The following GNB4 variants were observed in gnomAD, a reference collection of about 807,000 sequenced individuals.
GNB4 encodes the protein G protein subunit beta 4, also known as guanine nucleotide-binding protein subunit beta-4.
A neutral mutation model predicts 45.2 loss-of-function variants in GNB4; 28 were observed. The ratio of observed to expected loss-of-function variants is 0.62; its 90% CI spans 0.46 to 0.85. The LOEUF (loss-of-function observed/expected upper bound fraction) is 0.85, where lower values mean the gene tolerates loss of function less well. Among genes scored for constraint, GNB4 ranks in the 40% least tolerant of loss-of-function variants. The pLI, the probability that GNB4 is intolerant of heterozygous loss-of-function variation, is 0.00. For missense variants in GNB4, 321 were observed against 425.4 expected (o/e 0.75, Z 2.16); for synonymous variants, 132 against 143.7 (o/e 0.92, Z 0.58).
Position 179,416,476 on chromosome 3 carries a change from T to C in GNB4, c.267+17A>G, listed in dbSNP as rs571492932. 7.0e-6 allele frequency: 10 copies of C among 1,435,684 alleles called. No individual in the cohort carries two copies. The Admixed American group carries it at 1.7e-4, about 25-fold the overall frequency. 88.9% of individuals were successfully genotyped at this position (1,435,684 alleles called of 1,614,324 possible). Reference sequence around the variant, plus strand: ...ACAAATATAAGGTTATTTAAAAGAATTATGAAGAAATTCTACCTTATTTGT... The same window carrying C: ...ACAAATATAAGGTTATTTAAAAGAACTATGAAGAAATTCTACCTTATTTGT... On this transcript the variant is annotated intron_variant, in intron 5 of 9. Transcript: ENST00000232564.
chr3:179,411,466 CAA>C (rs755966921), intron 8 of GNB4, among the ~76,000 whole-genome samples: 2 of 125,340 alleles, frequency 1.6e-5, no homozygotes, highest in African/African-American at 2.9e-5. Flanking sequence ...AATGTTTTGA[CAA>C]AAAAAAAAAA....
At chr3:179,444,172 CCTATCT>C (rs1715661439) in intron 1 of GNB4, among the ~76,000 whole-genome samples, 1 of 152,064 alleles carries the variant, frequency 6.6e-6, no homozygotes, top group South Asian at 2.1e-4. Context: ...TACATACTAA[CCTATCT>C]CTATTTTCTT....
chr3:179,413,637 T>A (rs1714713803), intron 7 of GNB4, 24 bp from the exon 8 acceptor site: 2 of 1,613,162 alleles, frequency 1.2e-6, no homozygotes. Context: ...CAAAATTTCA[T>A]GACAATTACT....
chr3:179,483,474 T>C, the GNB4 span, among the ~76,000 whole-genome samples: 1 of 152,134 alleles, frequency 6.6e-6, no homozygotes, highest in Non-Finnish European at 1.5e-5. Flanking sequence ...ATATAGTTAT[T>C]ATAGCTGAGC....
intron 1 of GNB4, among the ~76,000 whole-genome samples, chr3:179,449,292 G>T (rs1715811772): frequency 6.6e-6 from 1 of 152,212 alleles, no homozygotes; most frequent in Admixed American, 6.5e-5. Context: ...CCTGGCAAAA[G>T]GGAGGTTTTG....
At chr3:179,519,325 G>A in the GNB4 span, among the ~76,000 whole-genome samples, 32 of 152,272 alleles carry the variant, frequency 2.1e-4, no homozygotes, top group East Asian at 1.5e-3. Context: ...TTGGTTTAGC[G>A]GCTGAAGACT....
chr3:179,414,721 G>T (rs527677246), intron 6 of GNB4, among the ~76,000 whole-genome samples, 164 bp downstream of exon 6: 10 of 145,580 alleles, frequency 6.9e-5, no homozygotes, highest in African/African-American at 2.4e-4. Flanking sequence ...ATCAACGTTT[G>T]TATGACTATA....
chr3:179,482,182 C>A, the GNB4 span, among the ~76,000 whole-genome samples: 10 of 152,184 alleles, frequency 6.6e-5, no homozygotes, highest in Non-Finnish European at 1.5e-4. Context: ...AGGCGTGAAC[C>A]ACCACACCTG....
chr3:179,479,957 T>G, the GNB4 span, among the ~76,000 whole-genome samples: 1 of 152,226 alleles, frequency 6.6e-6, no homozygotes, highest in Non-Finnish European at 1.5e-5. Context: ...CCCACGTGAA[T>G]GGATTAATGT....
chr3:179,405,448 C>A, intron 8 of GNB4, 42 bp from the exon 9 acceptor site: 1 of 1,365,672 alleles, frequency 7.3e-7, no homozygotes, highest in South Asian at 1.3e-5. Flanking sequence ...CAGATGTATG[C>A]ACAATCATAG....
the GNB4 span, among the ~76,000 whole-genome samples, chr3:179,494,332 GAA>G: frequency 1.3e-4 from 19 of 150,952 alleles, no homozygotes; most frequent in East Asian, 3.3e-3. Context: ...GAAAGAGAAA[GAA>G]AAGAAAAAAG....
At chr3:179,480,392 G>T in the GNB4 span, among the ~76,000 whole-genome samples, 12 of 152,104 alleles carry the variant, frequency 7.9e-5, no homozygotes, top group African/African-American at 2.2e-4. Flanking sequence ...TGTAATAATG[G>T]CAATAACAAC....
chr3:179,456,445 C>T (rs1715979642), upstream of GNB4, among the ~76,000 whole-genome samples: 1 of 152,186 alleles, frequency 6.6e-6, no homozygotes, highest in Admixed American at 6.5e-5. Flanking sequence ...TTCTGTCTTT[C>T]CATTCCTTCC....
At chr3:179,449,904 A>G (rs1715825976) in intron 1 of GNB4, among the ~76,000 whole-genome samples, 1 of 152,214 alleles carries the variant, frequency 6.6e-6, no homozygotes, top group African/African-American at 2.4e-5. Flanking sequence ...TTTAAAGTGT[A>G]AAAGTATGTG....
chr3:179,468,035 A>AAAAAAATATATAT, the GNB4 span, among the ~76,000 whole-genome samples: 7 of 89,846 alleles, frequency 7.8e-5, no homozygotes, highest in East Asian at 1.3e-3. Flanking sequence ...TGTTGATAAA[A>AAAAAAATATATAT]ATATATATAT....
chr3:179,513,209 T>TTTTTTA, the GNB4 span, among the ~76,000 whole-genome samples: 1 of 148,026 alleles, frequency 6.8e-6, no homozygotes, highest in Admixed American at 6.7e-5. Flanking sequence ...TTTTTTTTTT[T>TTTTTTA]GAGACAGGTT....
At chr3:179,490,254 C>T in the GNB4 span, among the ~76,000 whole-genome samples, 1 of 152,184 alleles carries the variant, frequency 6.6e-6, no homozygotes, top group Non-Finnish European at 1.5e-5. Context: ...AACCTGAACT[C>T]AAGACAGTGC....
chr3:179,505,636 T>G, the GNB4 span, among the ~76,000 whole-genome samples: 1 of 152,228 alleles, frequency 6.6e-6, no homozygotes, highest in Non-Finnish European at 1.5e-5. Flanking sequence ...GTGAAAGAAT[T>G]ATACTTATTT....
chr3:179,497,576 T>C, the GNB4 span, among the ~76,000 whole-genome samples: 2 of 152,004 alleles, frequency 1.3e-5, 1 homozygote, highest in South Asian at 4.1e-4. Flanking sequence ...ACCTATCGGA[T>C]GGGAGAAAAA....
Sources: allele counts gnomAD v4.1 joint callset (sites outside exome capture counted in the v4.1 genomes callset), GRCh38; gene constraint gnomAD v4.1.1; transcripts MANE v1.5; gene names NCBI Gene and HGNC (gene_info 2026-07-23, HGNC 2026-07-21).